APPL1: variants seen among roughly 807,000 people sequenced by gnomAD.
APPL1 encodes adaptor protein, phosphotyrosine interacting with PH domain and leucine zipper 1, also known as DCC-interacting protein 13-alpha.
A neutral mutation model predicts 106.8 loss-of-function variants in APPL1; 42 were observed. The ratio of observed to expected loss-of-function variants is 0.39; its 90% CI spans 0.31 to 0.51. The LOEUF (loss-of-function observed/expected upper bound fraction) is 0.51. Ranked by LOEUF, APPL1 falls within the 20% of genes least tolerant of loss-of-function variation. The probability of loss-of-function intolerance (pLI) is 0.75; values close to 1 mark genes in which losing one functional copy is unlikely to be tolerated. For missense variants in APPL1, 769 were observed against 858.2 expected (o/e 0.90, Z 1.30); for synonymous variants, 263 against 281.8 (o/e 0.93, Z 0.67).
At chr3:57,265,965 G>T (rs910117933) in intron 19 of APPL1, among the ~76,000 whole-genome samples, 2 of 152,138 alleles carry the variant, frequency 1.3e-5, no homozygotes, top group African/African-American at 4.8e-5. Flanking sequence ...AATAGTTTTT[G>T]TCCTTTATTC....
intron 13 of APPL1, among the ~76,000 whole-genome samples, chr3:57,255,599 G>A (rs749186525): frequency 1.3e-5 from 2 of 152,084 alleles, no homozygotes; most frequent in Non-Finnish European, 2.9e-5. Flanking sequence ...CAAAATACTC[G>A]TAATTTGTTA....
At position 57,269,653 on chromosome 3, in the gene APPL1, GAGA is replaced by G. The variant is rs1480207964; in HGVS notation, c.2099_2101del (p.Glu700del). On this transcript the variant is annotated inframe_deletion, in exon 22 of 22. Coordinates refer to ENST00000288266, the MANE Select transcript of APPL1 (RefSeq NM_012096.3). Reference sequence around the variant, plus strand: ...AGCCAGTCAGAAGAGAGTGATTTGGGAGAAGGAGGAAAGAAGAGAGAATCAGAA... The same window carrying G: ...AGCCAGTCAGAAGAGAGTGATTTGGGAGGAGGAAAGAAGAGAGAATCAGAA... 1.5e-5 allele frequency: 24 copies of G among 1,613,842 alleles called. No individual in the cohort carries two copies. Among genetic ancestry groups the G allele is most frequent in the Non-Finnish European group, 2.0e-5 (24 of 1,179,874 alleles).
chr3:57,229,516 G>A (rs982013410), intron 1 of APPL1, among the ~76,000 whole-genome samples: 2 of 151,212 alleles, frequency 1.3e-5, no homozygotes, highest in Non-Finnish European at 2.9e-5. Flanking sequence ...ACTAGTGTCC[G>A]TTTTACAATA....
At chr3:57,233,402 C>T (rs544984529) in intron 1 of APPL1, among the ~76,000 whole-genome samples, 8 of 151,724 alleles carry the variant, frequency 5.3e-5, no homozygotes, top group South Asian at 4.2e-4. Context: ...ACTTGCTTTG[C>T]GCTAAGAAGA....
Position 57,227,752 on chromosome 3 carries a change from A to C in APPL1, c.-132A>C. The C allele has an allele frequency of 1.4e-6, 1 of 715,516 alleles. No individual in the cohort carries two copies. Among genetic ancestry groups the C allele is most frequent in the Non-Finnish European group, 2.0e-6 (1 of 510,978 alleles). 44.3% of individuals were successfully genotyped at this position (715,516 alleles called of 1,614,324 possible). A position where few individuals can be genotyped will look rare whatever the true frequency, so the allele number is the denominator to read the frequency against. ...CCGCACGGCCGCTCGGCGCCTGGAGAAGGCTGTGCGGGCGGGGACGGCTGC... is the reference window on the plus strand; with the variant it reads ...CCGCACGGCCGCTCGGCGCCTGGAGCAGGCTGTGCGGGCGGGGACGGCTGC... On this transcript the variant is annotated 5_prime_UTR_variant, in exon 1 of 22. Coordinates refer to ENST00000288266, the MANE Select transcript of APPL1 (RefSeq NM_012096.3).
Position 57,240,516 on chromosome 3 carries a change from T to C in APPL1, c.337T>C (p.Phe113Leu). The change falls in exon 5 of 22, where the codon TTC (phenylalanine) becomes CTC (leucine). Residue 113 changes from phenylalanine (F) to leucine (L), a missense_variant. Coordinates refer to ENST00000288266, the MANE Select transcript of APPL1 (RefSeq NM_012096.3). The stretch of plus-strand genomic sequence containing the variant: ...AACTCAACTTGCTGATGCCATGATG[T>C]TCCCCATTACCCAGTTTAAAGAAAG... ...LSTQLADAMM[F>L]PITQFKERDL... 1.2e-6 allele frequency: 2 copies of C among 1,613,980 alleles called. No homozygotes were observed. The highest frequency in any genetic ancestry group is 1.7e-6 in the Non-Finnish European group (2 of 1,179,888).
intron 1 of APPL1, among the ~76,000 whole-genome samples, chr3:57,234,463 A>G (rs1291311357): frequency 6.6e-6 from 1 of 150,632 alleles, no homozygotes; most frequent in East Asian, 2.0e-4. Context: ...ATGCCTGGAT[A>G]ATTTTTTTGT....
rs1230842003 is a variant in APPL1 at position 57,272,193 on chromosome 3, T to G, written c.*2506T>G. 1 of 152,236 alleles carries G rather than the reference T, an allele frequency of 6.6e-6. No homozygotes were observed. Among genetic ancestry groups the G allele is most frequent in the Non-Finnish European group, 1.5e-5 (1 of 68,034 alleles). 9.4% of individuals were successfully genotyped at this position (152,236 alleles called of 1,614,324 possible). On this transcript the variant is annotated 3_prime_UTR_variant, in exon 22 of 22. Transcript: ENST00000288266. ...TTCTACAATGCATTCTGTTACCTAT[T>G]TGAACAGTATGTTTGTAACTATGGC...
In APPL1 at chr3:57,238,035, T is replaced by TG; in HGVS notation, c.214-9dup. 1 of 1,605,548 alleles carries TG rather than the reference T, an allele frequency of 6.2e-7. No individual in the cohort carries two copies. The highest frequency in any genetic ancestry group is 2.2e-5 in the East Asian group (1 of 44,688). On this transcript the variant is annotated splice_polypyrimidine_tract_variant and intron_variant, in intron 3 of 21. Coordinates refer to ENST00000288266, the MANE Select transcript of APPL1 (RefSeq NM_012096.3). Reference sequence around the variant, plus strand: ...TTGAAACTTTACCTCATCTGTTTCTTGCTTTTCAGCGTTTTCCATTGGGAG... The same window carrying TG: ...TTGAAACTTTACCTCATCTGTTTCTTGGCTTTTCAGCGTTTTCCATTGGGAG...
rs1030896701 is a variant in APPL1 at position 57,270,358 on chromosome 3, C to T, written c.*671C>T. On this transcript the variant is annotated 3_prime_UTR_variant, in exon 22 of 22. Transcript: ENST00000288266. ...GTCTTCAGTTCAAGATTGATAGAGCCCTTGGCATTTTATTATCACATTCTT... is the reference window on the plus strand; with the variant it reads ...GTCTTCAGTTCAAGATTGATAGAGCTCTTGGCATTTTATTATCACATTCTT... 2.0e-5 allele frequency: 3 copies of T among 152,494 alleles called. No homozygotes were observed. The South Asian group carries it at 6.2e-4, about 32-fold the overall frequency. The allele number at this position is 152,494 out of a possible 1,614,324, so 9.4% of individuals were successfully genotyped here.
rs2060950213 is a variant in APPL1 at position 57,272,605 on chromosome 3, A to AAAG, written c.*2919_*2921dup. 1 of 151,902 alleles carries AAAG rather than the reference A, an allele frequency of 6.6e-6. No homozygotes were observed. Among genetic ancestry groups the AAAG allele is most frequent in the South Asian group, 2.1e-4 (1 of 4,814 alleles). The allele number at this position is 151,902 out of a possible 1,614,324, so 9.4% of individuals were successfully genotyped here. ...CTGCCACCTGAATAAAATGAAAAAA[A>AAAG]AAGTGTTTTTTTGAGACAGAGTCTT... On this transcript the variant is annotated 3_prime_UTR_variant, in exon 22 of 22. Transcript: ENST00000288266.
rs1373746917 is a variant in APPL1, at chr3:57,246,081, G to A, written c.480G>A (p.Lys160=). 3.2e-6 allele frequency: 5 copies of A among 1,578,364 alleles called. No individual in the cohort carries two copies. The East Asian group carries it at 9.1e-5, about 29-fold the overall frequency. Residue 160 remains lysine (K), a synonymous_variant, in exon 8 of 22, where the codon AAG becomes AAA. Transcript: ENST00000288266. ...LSKKRENDKV[K]YEVTEDVYTS... ...TTAAATCTTTTCATTCAAAGGTGAA[G>A]TATGAAGTAACAGAAGATGTGTACA...
At position 57,271,745 on chromosome 3, in the gene APPL1, C is replaced by T. The variant is rs1413950629; in HGVS notation, c.*2058C>T. 1 of 152,206 alleles carries T rather than the reference C, an allele frequency of 6.6e-6. No individual in the cohort carries two copies. The highest frequency in any genetic ancestry group is 2.4e-5 in the African/African-American group (1 of 41,448). 9.4% of individuals were successfully genotyped at this position (152,206 alleles called of 1,614,324 possible). ...CACTGGCAGACTTAGGGATGCTGGA[C>T]AGACCTGTAGTTCGTTTTAAGTCAT... On this transcript the variant is annotated 3_prime_UTR_variant, in exon 22 of 22. Coordinates refer to ENST00000288266, the MANE Select transcript of APPL1 (RefSeq NM_012096.3).
chr3:57,251,082 C>T (rs927248704), intron 11 of APPL1, among the ~76,000 whole-genome samples: 1 of 150,510 alleles, frequency 6.6e-6, no homozygotes, highest in African/African-American at 2.4e-5. Context: ...GCTGGGATTA[C>T]AGGCGTGAGC....
intron 13 of APPL1, 128 bp from the exon 14 acceptor site, chr3:57,256,829 C>T: frequency 2.9e-6 from 2 of 697,034 alleles, no homozygotes; most frequent in Non-Finnish European, 5.0e-6. Context: ...GAATATAGTA[C>T]TACTTTAGTA....
chr3:57,264,923 C>T (rs2060886486), intron 19 of APPL1, among the ~76,000 whole-genome samples: 1 of 151,576 alleles, frequency 6.6e-6, no homozygotes, highest in African/African-American at 2.4e-5. Context: ...ATAACTTTGG[C>T]TATTCTGAAT....
chr3:57,252,964 AT>A (rs2107605222), intron 12 of APPL1, among the ~76,000 whole-genome samples: 1 of 152,342 alleles, frequency 6.6e-6, no homozygotes, highest in South Asian at 2.1e-4. Flanking sequence ...TGGAAATGCT[AT>A]AGAGATCTAC....
chr3:57,256,959 A>G lies in APPL1; in HGVS notation c.1155A>G (p.Glu385=). The G allele has an allele frequency of 6.2e-7, 1 of 1,613,788 alleles. No individual in the cohort carries two copies. The highest frequency in any genetic ancestry group is 8.5e-7 in the Non-Finnish European group (1 of 1,179,874). The change falls in exon 14 of 22, where the codon GAA becomes GAG. Residue 385 remains glutamate, a splice_region_variant and synonymous_variant. Coordinates refer to ENST00000288266, the MANE Select transcript of APPL1 (RefSeq NM_012096.3). ...CTTTTTTAAAAAAATTGAAATAGGA[A>G]ACTGCTGCACGAGTAAATCAATCAG... ...KQIYLSENPE[E]TAARVNQSAL... is the part of the protein sequence containing the mutation.
In APPL1 at chr3:57,249,566, A is replaced by G. The variant is rs2060792627; in HGVS notation, c.1052+18A>G. 1.9e-6 allele frequency: 3 copies of G among 1,539,182 alleles called. No homozygotes were observed. The highest frequency in any genetic ancestry group is 2.6e-6 in the Non-Finnish European group (3 of 1,146,824). On this transcript the variant is annotated intron_variant, in intron 11 of 21. Coordinates refer to ENST00000288266, the MANE Select transcript of APPL1 (RefSeq NM_012096.3). ...GGAAAAAAGTTAGTATTTTTTTTCTACTACTACTAATCTATAGTATATTAA... is the reference window on the plus strand; with the variant it reads ...GGAAAAAAGTTAGTATTTTTTTTCTGCTACTACTAATCTATAGTATATTAA...
Sources: gnomAD v4.1 joint callset for allele counts (sites outside exome capture counted in the v4.1 genomes callset) on GRCh38, gnomAD v4.1.1 for gene constraint, MANE v1.5 for transcripts, NCBI Gene and HGNC (gene_info 2026-07-23, HGNC 2026-07-21) for gene names.